MYO15A: variants seen among roughly 807,000 people sequenced by gnomAD.
The protein encoded by MYO15A is unconventional myosin-XV.
In MYO15A, 308 loss-of-function variants were observed where a neutral mutation model predicts 394.6. The observed-to-expected ratio is 0.78, with a 90% CI of 0.71 to 0.86. The LOEUF (loss-of-function observed/expected upper bound fraction) is 0.86. MYO15A is among the 40% of genes least tolerant of loss of function. The pLI is 0.00. For missense variants in MYO15A, 4,606 were observed against 4,799.1 expected (o/e 0.96, Z 1.19); for synonymous variants, 1,957 against 2,003.8 (o/e 0.98, Z 0.62).
Position 18,119,689 on chromosome 17 carries a change from G to A in MYO15A, c.889G>A (p.Gly297Ser). The A allele has an allele frequency of 6.2e-7, 1 of 1,609,088 alleles. No individual in the cohort carries two copies. The highest frequency in any genetic ancestry group is 1.7e-5 in the Admixed American group (1 of 60,014). Residue 297 changes from glycine to serine, a missense_variant, in exon 2 of 66, where the codon GGC becomes AGC. By Grantham distance (56) the Gly-to-Ser change is moderately conservative. Coordinates refer to ENST00000647165, the MANE Select transcript of MYO15A (RefSeq NM_016239.4). Reference protein sequence around the residue: ...YDYYHPDYYGGPFDPGYTYGY... With the variant: ...YDYYHPDYYGSPFDPGYTYGY... ...CTACTACCACCCCGACTATTACGGTGGCCCCTTTGATCCGGGGTACACCTA... is the reference window on the plus strand; with the variant it reads ...CTACTACCACCCCGACTATTACGGTAGCCCCTTTGATCCGGGGTACACCTA...
intron 15 of MYO15A, 24 bp downstream of exon 15, chr17:18,136,710 G>A: frequency 1.3e-6 from 2 of 1,575,782 alleles, no homozygotes; most frequent in Non-Finnish European, 8.6e-7. Flanking sequence ...GGAGGCTGAG[G>A]GGCGGGGGAC....
In MYO15A at chr17:18,150,724, G is replaced by A. The variant is rs753359826; in HGVS notation, c.7354G>A (p.Ala2452Thr). ...CCCAGGCCTGGATGCCTCCACATTG[G>A]CTCTGCAGCAAGCCTTCATCCACAA... ...PIPGLDASTL[A>T]LQQAFIHKQA... The change falls in exon 37 of 66, where the codon GCT (alanine) becomes ACT (threonine). Residue 2452 changes from alanine (A) to threonine (T), a missense_variant. By Grantham distance (58) the Ala-to-Thr change is moderately conservative. Around this residue, in one of 2 missense-constraint regions of MYO15A, gnomAD observed 2,776 missense variants for 3,109.3 expected, o/e 0.89. Transcript: ENST00000647165. The surrounding 1 kb of genome is among the most constrained non-coding windows in gnomAD (Gnocchi z 4.4). 6.3e-6 allele frequency: 10 copies of A among 1,589,560 alleles called. No homozygotes were observed. The South Asian group carries it at 1.1e-4, about 18-fold the overall frequency.
chr17:18,151,746 A>C, intron 40 of MYO15A, 100 bp from the exon 41 acceptor site: 1 of 1,245,508 alleles, frequency 8.0e-7, no homozygotes, highest in Non-Finnish European at 1.2e-6. Flanking sequence ...ATTTATAATG[A>C]TAGGGGGTGG....
rs2047056207 is a variant in MYO15A at position 18,179,194 on chromosome 17, T to G, written c.*324T>G. The G allele has an allele frequency of 2.2e-6, 1 of 447,400 alleles. No individual in the cohort carries two copies. The highest frequency in any genetic ancestry group is 4.2e-6 in the Non-Finnish European group (1 of 239,758). 27.7% of individuals were successfully genotyped at this position (447,400 alleles called of 1,614,324 possible). A position where few individuals can be genotyped will look rare whatever the true frequency, so the allele number is the denominator to read the frequency against. On this transcript the variant is annotated 3_prime_UTR_variant, in exon 66 of 66. Transcript: ENST00000647165. ...AGACCCTGCCCCTAACTCCTGCCTA[T>G]GACACAGAAGCCCCACACCAGTTGC...
chr17:18,120,319 T>C lies in MYO15A; in HGVS notation c.1519T>C (p.Leu507=). 1 of 1,612,196 alleles carries C rather than the reference T, an allele frequency of 6.2e-7. No homozygotes were observed. Among genetic ancestry groups the C allele is most frequent in the African/African-American group, 1.3e-5 (1 of 75,036 alleles). Reference sequence around the variant, plus strand: ...ACCCTCTCTGGACATTCCTCTCCCCTTGGGGGATGCGGACGAAGAAGAGGA... The same window carrying C: ...ACCCTCTCTGGACATTCCTCTCCCCCTGGGGGATGCGGACGAAGAAGAGGA... ...LPPSLDIPLP[L]GDADEEEDEE... Residue 507 remains leucine, a synonymous_variant, in exon 2 of 66, where the codon TTG becomes CTG. Transcript: ENST00000647165.
Position 18,148,050 on chromosome 17 carries a change from G to A in MYO15A, c.6531G>A (p.Arg2177=), listed in dbSNP as rs1368507911. The A allele has an allele frequency of 6.2e-7, 1 of 1,613,970 alleles. No individual in the cohort carries two copies. Among genetic ancestry groups the A allele is most frequent in the Non-Finnish European group, 8.5e-7 (1 of 1,180,038 alleles). The change falls in exon 31 of 66, where the codon CGG becomes CGA. Residue 2177 remains arginine, a synonymous_variant. Transcript: ENST00000647165. This position sits in a 1 kb window ranked among gnomAD's most constrained non-coding sequence, Gnocchi z 4.8. ...YLLKFVSDYG[R]NGFQAVCQHR... is the part of the protein sequence containing the mutation. ...TCAGGTTTGTGTCTGATTATGGGCG[G>A]AATGGCTTCCAGGCTGTGTGTCAGC...
chr17:18,147,958 C>T lies in MYO15A; in HGVS notation c.6510-71C>T. The T allele has an allele frequency of 3.2e-6, 5 of 1,586,508 alleles. No homozygotes were observed. The highest frequency in any genetic ancestry group is 4.3e-6 in the Non-Finnish European group (5 of 1,156,318). Reference sequence around the variant, plus strand: ...GACTAGCCTCAGAATTTCCTACCCCCACCCCGCAGCCCTCAGCCCCAAGCT... The same window carrying T: ...GACTAGCCTCAGAATTTCCTACCCCTACCCCGCAGCCCTCAGCCCCAAGCT... On this transcript the variant is annotated intron_variant, in intron 30 of 65. Coordinates refer to ENST00000647165, the MANE Select transcript of MYO15A (RefSeq NM_016239.4). The surrounding 1 kb of genome is among the most constrained non-coding windows in gnomAD (Gnocchi z 4.4).
chr17:18,171,586 G>C, intron 62 of MYO15A, 52 bp from the exon 63 acceptor site: 3 of 1,613,136 alleles, frequency 1.9e-6, no homozygotes, highest in Non-Finnish European at 2.5e-6. Flanking sequence ...AGTGAGGATT[G>C]CCTGAGCCTG....
In MYO15A at chr17:18,150,419, C is replaced by T; in HGVS notation, c.7213-10C>T. The T allele has an allele frequency of 1.2e-6, 2 of 1,612,958 alleles. No individual in the cohort carries two copies. Among genetic ancestry groups the T allele is most frequent in the Non-Finnish European group, 1.7e-6 (2 of 1,178,934 alleles). On this transcript the variant is annotated splice_polypyrimidine_tract_variant and intron_variant, in intron 35 of 65. Transcript: ENST00000647165. The surrounding 1 kb of genome is among the most constrained non-coding windows in gnomAD (Gnocchi z 4.4). ...ATGAGATGGTCACTTGAGCCACCCA[C>T]TGCCCCCAGGACCTGGAGAAGCCAA... is the stretch of plus-strand genomic sequence containing the variant.
In MYO15A at chr17:18,143,850, A is replaced by C. The variant is rs2046429263; in HGVS notation, c.6047-20A>C. 1.3e-6 allele frequency: 2 copies of C among 1,573,204 alleles called. No individual in the cohort carries two copies. The highest frequency in any genetic ancestry group is 1.7e-6 in the Non-Finnish European group (2 of 1,158,546). ...CCAGGCAGATCAGAGCAGGCACCGC[A>C]TTCCCTCCTCTTTCCACAGGCCTCG... is the stretch of plus-strand genomic sequence containing the variant. On this transcript the variant is annotated intron_variant, in intron 27 of 65. Coordinates refer to ENST00000647165, the MANE Select transcript of MYO15A (RefSeq NM_016239.4).
rs945794067 is a variant in MYO15A at position 18,120,866 on chromosome 17, G to T, written c.2066G>T (p.Arg689Leu). Residue 689 changes from arginine (R) to leucine (L), a missense_variant, in exon 2 of 66, where the codon CGG becomes CTG. Around this residue, in one of 2 missense-constraint regions of MYO15A, gnomAD observed 1,830 missense variants for 1,689.7 expected, o/e 1.08. Transcript: ENST00000647165. The stretch of plus-strand genomic sequence containing the variant: ...TCCCCGGCGCTCTCGGGCCTGCCCC[G>T]GCCGGCCTCGCCCTACGGCTCCCTC... ...PLSPALSGLP[R>L]PASPYGSLRR... The T allele has an allele frequency of 1.1e-5, 14 of 1,250,502 alleles. No individual in the cohort carries two copies. Among genetic ancestry groups the T allele is most frequent in the Non-Finnish European group, 1.2e-5 (12 of 993,886 alleles). The allele number at this position is 1,250,502 out of a possible 1,614,324, so 77.5% of individuals were successfully genotyped here.
chr17:18,120,212 T>C lies in MYO15A; in HGVS notation c.1412T>C (p.Leu471Pro), dbSNP rs1456631322. The C allele has an allele frequency of 1.9e-6, 3 of 1,612,776 alleles. No homozygotes were observed. Among genetic ancestry groups the C allele is most frequent in the Non-Finnish European group, 1.7e-6 (2 of 1,179,868 alleles). Residue 471 changes from leucine to proline, a missense_variant, in exon 2 of 66, where the codon CTG becomes CCG. By Grantham distance (98) the Leu-to-Pro change is moderately conservative. Coordinates refer to ENST00000647165, the MANE Select transcript of MYO15A (RefSeq NM_016239.4). ...QGMDKPARSK[L>P]SLIRKFRLFP... ...ATGGATAAGCCCGCCAGGTCCAAGC[T>C]GTCCCTCATCCGCAAGTTCCGCCTC... is the stretch of plus-strand genomic sequence containing the variant.
chr17:18,161,543 C>T (rs975268093), intron 57 of MYO15A, 96 bp downstream of exon 57: 42 of 1,538,906 alleles, frequency 2.7e-5, no homozygotes, highest in Non-Finnish European at 3.3e-5. Flanking sequence ...GGGCCTCGCT[C>T]TTCACAGGTG....
At chr17:18,133,949 C>T (rs879308940) in intron 12 of MYO15A, among the ~76,000 whole-genome samples, 5 of 151,728 alleles carry the variant, frequency 3.3e-5, no homozygotes, top group Admixed American at 6.6e-5. Flanking sequence ...TGAGCCACCG[C>T]GCCCAGCCCT....
In MYO15A at chr17:18,132,406, C is replaced by T. The variant is rs1455077863; in HGVS notation, c.4207-47C>T. The T allele has an allele frequency of 2.7e-6, 4 of 1,507,318 alleles. No homozygotes were observed. The highest frequency in any genetic ancestry group is 2.3e-5 in the East Asian group (1 of 44,328). The allele number at this position is 1,507,318 out of a possible 1,614,324, so 93.4% of individuals were successfully genotyped here. ...GGCTTGTATGTGTGCCTGGGGGTCA[C>T]CTAGGTAGGTGGCTCCCTTCTCTGT... On this transcript the variant is annotated intron_variant, in intron 10 of 65. Coordinates refer to ENST00000647165, the MANE Select transcript of MYO15A (RefSeq NM_016239.4). The surrounding 1 kb of genome is among the most constrained non-coding windows in gnomAD (Gnocchi z 4.6).
chr17:18,176,541 C>CTTTTTTTTTTTTTT (rs35105114), intron 65 of MYO15A: 10 of 93,426 alleles, frequency 1.1e-4, no homozygotes, highest in East Asian at 2.5e-4. Context: ...TTTTACTTTT[C>CTTTTTTTTTTTTTT]TTTTTTTTTT....
intron 57 of MYO15A, 132 bp downstream of exon 57, chr17:18,161,579 A>G: frequency 7.4e-7 from 1 of 1,348,706 alleles, no homozygotes; most frequent in East Asian, 2.3e-5. Flanking sequence ...CAATATTAAT[A>G]TACTCCCCAA....
At chr17:18,163,976 G>A (rs2046812965) in intron 60 of MYO15A, 138 bp downstream of exon 60, 1 of 828,312 alleles carries the variant, frequency 1.2e-6, no homozygotes, top group African/African-American at 1.7e-5. Flanking sequence ...CCATGTGGAA[G>A]GATCTCTGTG....
intron 24 of MYO15A, 137 bp downstream of exon 24, chr17:18,142,391 C>A: frequency 1.8e-6 from 2 of 1,090,436 alleles, no homozygotes; most frequent in Non-Finnish European, 2.7e-6. Flanking sequence ...GGAGAATGAT[C>A]AGATTCTCTG....
Sources: allele counts gnomAD v4.1 joint callset (sites outside exome capture counted in the v4.1 genomes callset), GRCh38; gene constraint gnomAD v4.1.1; regional missense constraint gnomAD v4.1.1; non-coding constraint Gnocchi (gnomAD v3.1); transcripts MANE v1.5; gene names NCBI Gene and HGNC (gene_info 2026-07-23, HGNC 2026-07-21).